The following CAMK4 variants were observed in gnomAD, a reference collection of about 807,000 sequenced individuals.
The protein encoded by CAMK4 is calcium/calmodulin dependent protein kinase IV.
A neutral mutation model predicts 44.9 loss-of-function variants in CAMK4; 22 were observed. The ratio of observed to expected loss-of-function variants is 0.49; its 90% CI spans 0.35 to 0.70. The LOEUF (loss-of-function observed/expected upper bound fraction) is 0.70, where lower values mean the gene tolerates loss of function less well. Ranked by LOEUF, CAMK4 falls within the 30% of genes least tolerant of loss-of-function variation. The probability of loss-of-function intolerance (pLI) is 0.01; values close to 1 mark genes in which losing one functional copy is unlikely to be tolerated. For missense variants in CAMK4, 498 were observed against 586.8 expected (o/e 0.85, Z 1.56); for synonymous variants, 218 against 215.4 (o/e 1.01, Z -0.11).
Position 111,232,148 on chromosome 5 carries a change from A to C in CAMK4, c.161+7504A>C, listed in dbSNP as rs1183986288. Reference sequence around the variant, plus strand: ...TAGACGATGTATGCTGGCAGTGTGCATGTGGTGGGGTAAGGGCCTAGAGTG... The same window carrying C: ...TAGACGATGTATGCTGGCAGTGTGCCTGTGGTGGGGTAAGGGCCTAGAGTG... On this transcript the variant is annotated intron_variant, in intron 1 of 10. Coordinates refer to ENST00000282356, the MANE Select transcript of CAMK4 (RefSeq NM_001744.6). Among the ~76,000 whole-genome samples, 6 of 152,178 alleles carry C rather than the reference A, an allele frequency of 3.9e-5. No individual in the cohort carries two copies. In the South Asian group the frequency reaches 1.0e-3, roughly 26 times the overall value.
At chr5:111,414,434 T>G (rs1752743276) in intron 5 of CAMK4, among the ~76,000 whole-genome samples, 1 of 152,058 alleles carries the variant, frequency 6.6e-6, no homozygotes, top group Non-Finnish European at 1.5e-5. Context: ...CCACAATACA[T>G]TACCAGGTTA....
intron 1 of CAMK4, among the ~76,000 whole-genome samples, chr5:111,281,714 A>G (rs1219170612): frequency 6.6e-6 from 1 of 152,220 alleles, no homozygotes; most frequent in East Asian, 1.9e-4. Flanking sequence ...AAGATAGAAG[A>G]TGAAAGAATG....
chr5:111,274,860 CATTTT>C (rs770944368), intron 1 of CAMK4, among the ~76,000 whole-genome samples: 70 of 152,074 alleles, frequency 4.6e-4, no homozygotes, highest in Non-Finnish European at 7.1e-4. Flanking sequence ...GTGTCCATTT[CATTTT>C]AAGTGTTATA....
upstream of CAMK4, chr5:111,224,216 G>T: frequency 3.1e-6 from 1 of 318,590 alleles, no homozygotes. This position sits in a 1 kb window ranked among gnomAD's most constrained non-coding sequence, Gnocchi z 5.7. Flanking sequence ...AAGGAGCGAG[G>T]GGGAGGGAGC....
intron 5 of CAMK4, among the ~76,000 whole-genome samples, chr5:111,404,208 A>G (rs1173822405): frequency 1.3e-5 from 2 of 152,222 alleles, no homozygotes; most frequent in South Asian, 4.1e-4. Flanking sequence ...ACAAACATGC[A>G]TGTTACATGT....
rs1347397555 is a variant in CAMK4, at chr5:111,486,933, A to T, written c.*2467A>T. The T allele has an allele frequency of 6.6e-6, 1 of 152,200 alleles. No homozygotes were observed. The highest frequency in any genetic ancestry group is 1.5e-5 in the Non-Finnish European group (1 of 68,028). The allele number at this position is 152,200 out of a possible 1,614,324, so 9.4% of individuals were successfully genotyped here. On this transcript the variant is annotated 3_prime_UTR_variant, in exon 11 of 11. Transcript: ENST00000282356. ...TTCTGATAATGACTATATAGTGACT[A>T]ATTTCATTGTTTCAGTAGGAAACAA...
chr5:111,379,183 A>G (rs1440723369), intron 4 of CAMK4, among the ~76,000 whole-genome samples: 1 of 152,124 alleles, frequency 6.6e-6, no homozygotes, highest in Non-Finnish European at 1.5e-5. Flanking sequence ...GGAATGCCAC[A>G]CTGAAGCAAT....
intron 5 of CAMK4, among the ~76,000 whole-genome samples, chr5:111,443,358 AG>A (rs1753915346): frequency 7.1e-6 from 1 of 140,216 alleles, no homozygotes; most frequent in African/African-American, 2.7e-5. Context: ...CTATATATAT[AG>A]TATATATATA....
At chr5:111,413,317 G>A (rs1003257579) in intron 5 of CAMK4, among the ~76,000 whole-genome samples, 2 of 152,120 alleles carry the variant, frequency 1.3e-5, no homozygotes, top group Non-Finnish European at 2.9e-5. Flanking sequence ...AGTGGCTCAC[G>A]CCTGTAATCC....
At chr5:111,377,763 A>G (rs962321970) in intron 4 of CAMK4, among the ~76,000 whole-genome samples, 1 of 152,118 alleles carries the variant, frequency 6.6e-6, no homozygotes, top group Non-Finnish European at 1.5e-5. Context: ...GTAAGAAGCC[A>G]TGCGTGAATG....
intron 1 of CAMK4, among the ~76,000 whole-genome samples, chr5:111,329,875 C>T (rs530261018): frequency 2.0e-5 from 3 of 151,828 alleles, no homozygotes; most frequent in African/African-American, 7.2e-5. Flanking sequence ...GAAAAAACTA[C>T]AGCTGATGTC....
At chr5:111,353,171 G>T (rs1470834022) in intron 2 of CAMK4, among the ~76,000 whole-genome samples, 1 of 151,968 alleles carries the variant, frequency 6.6e-6, no homozygotes, top group Admixed American at 6.6e-5. Flanking sequence ...ATCACTGTGT[G>T]CCAGGAACTT....
At chr5:111,243,382 T>G (rs1474698965) in intron 1 of CAMK4, among the ~76,000 whole-genome samples, 2 of 152,086 alleles carry the variant, frequency 1.3e-5, no homozygotes, top group Non-Finnish European at 2.9e-5. Flanking sequence ...AATCAGACAT[T>G]GAGAGTAGTG....
intron 7 of CAMK4, among the ~76,000 whole-genome samples, chr5:111,460,245 TTTTTC>T (rs1336790281): frequency 7.5e-5 from 11 of 147,554 alleles, no homozygotes; most frequent in East Asian, 2.0e-4. Flanking sequence ...AAACATAATG[TTTTTC>T]TTTTCTTTTC....
At chr5:111,318,747 A>C (rs1205289742) in intron 1 of CAMK4, among the ~76,000 whole-genome samples, 3 of 152,194 alleles carry the variant, frequency 2.0e-5, no homozygotes, top group Non-Finnish European at 4.4e-5. Context: ...TGACTCCTGG[A>C]AACAAATACA....
intron 2 of CAMK4, among the ~76,000 whole-genome samples, chr5:111,345,380 A>G (rs969430132): frequency 1.3e-5 from 2 of 151,904 alleles, no homozygotes; most frequent in Non-Finnish European, 2.9e-5. Context: ...TAAGATTTGG[A>G]ATTTTCCCTT....
chr5:111,422,847 A>C (rs1753080793), intron 5 of CAMK4, among the ~76,000 whole-genome samples: 2 of 152,134 alleles, frequency 1.3e-5, no homozygotes, highest in Non-Finnish European at 2.9e-5. Flanking sequence ...TTTTATGCTC[A>C]GTTTGTAGCA....
intron 7 of CAMK4, among the ~76,000 whole-genome samples, chr5:111,461,158 AC>A (rs1339864565): frequency 6.6e-6 from 1 of 152,210 alleles, no homozygotes; most frequent in Non-Finnish European, 1.5e-5. Context: ...AAAACACCTA[AC>A]TTTTTCTTTT....
chr5:111,343,452 A>C (rs1281637441), intron 1 of CAMK4, among the ~76,000 whole-genome samples: 1 of 151,662 alleles, frequency 6.6e-6, no homozygotes, highest in Non-Finnish European at 1.5e-5. Context: ...CTGCTTTTTA[A>C]TGCTTTCTTA....
Sources: allele counts gnomAD v4.1 joint callset (sites outside exome capture counted in the v4.1 genomes callset), GRCh38; gene constraint gnomAD v4.1.1; non-coding constraint Gnocchi (gnomAD v3.1); transcripts MANE v1.5; gene names NCBI Gene and HGNC (gene_info 2026-07-23, HGNC 2026-07-21).